JKAMP: variants seen among roughly 807,000 people sequenced by gnomAD.
JKAMP encodes the protein JNK1/MAPK8-associated membrane protein.
A neutral mutation model predicts 40.2 loss-of-function variants in JKAMP; 20 were observed. That is an observed-to-expected ratio of 0.50 (90% confidence interval 0.35 to 0.72). The LOEUF is 0.72. Among genes scored for constraint, JKAMP ranks in the 30% least tolerant of loss-of-function variants. JKAMP has a pLI of 0.01. For missense variants in JKAMP, 276 were observed against 373.0 expected (o/e 0.74, Z 2.14); for synonymous variants, 138 against 131.6 (o/e 1.05, Z -0.33).
chr14:59,484,959 A>T (rs1890414447), intron 1 of JKAMP: 1 of 1,526,764 alleles, frequency 6.5e-7, no homozygotes, highest in Non-Finnish European at 8.7e-7. Context: ...GTTGCTGCAT[A>T]ATTTGTCTAC....
intron 6 of JKAMP, among the ~76,000 whole-genome samples, chr14:59,502,340 G>A (rs2139916267): frequency 6.6e-6 from 1 of 152,250 alleles, no homozygotes; most frequent in Middle Eastern, 3.4e-3. Flanking sequence ...CTAATCTAGG[G>A]ACTATGAACT....
Position 59,487,760 on chromosome 14 carries a change from T to C in JKAMP, c.183T>C (p.Leu61=). 6.2e-7 allele frequency: 1 copy of C among 1,613,520 alleles called. No homozygotes were observed. The part of the protein sequence containing the change: ...ESPELYDWLY[L]GFMAMLPLVL... ...CTGAACTTTATGATTGGCTCTATCT[T>C]GGATTTATGGCAATGCTTCCTCTGG... Residue 61 remains leucine, a synonymous_variant, in exon 3 of 7, where the codon CTT becomes CTC. Transcript: ENST00000616435.
At position 59,487,700 on chromosome 14, in the gene JKAMP, T is replaced by C. The variant is rs1375121358; in HGVS notation, c.123T>C (p.Asn41=). The C allele has an allele frequency of 1.2e-6, 2 of 1,613,298 alleles. No homozygotes were observed. The highest frequency in any genetic ancestry group is 8.5e-7 in the Non-Finnish European group (1 of 1,179,328). The change falls in exon 3 of 7, where the codon AAT becomes AAC. Residue 41 remains asparagine (N), a synonymous_variant. Transcript: ENST00000616435. ...CGVCPRGQRT[N]AQKYCQPCTE... ...TATGCCCAAGAGGACAGAGAACGAATGCACAGAAATATTGTCAGCCTTGCA... is the reference window on the plus strand; with the variant it reads ...TATGCCCAAGAGGACAGAGAACGAACGCACAGAAATATTGTCAGCCTTGCA...
At chr14:59,499,499 C>G (rs1891712133) in intron 5 of JKAMP, among the ~76,000 whole-genome samples, 1 of 152,008 alleles carries the variant, frequency 6.6e-6, no homozygotes, top group Admixed American at 6.6e-5. Flanking sequence ...ACCATTAATT[C>G]ATTTGTTTAG....
chr14:59,491,252 T>C (rs960512069), intron 3 of JKAMP, among the ~76,000 whole-genome samples: 14 of 152,196 alleles, frequency 9.2e-5, no homozygotes, highest in African/African-American at 3.4e-4. Flanking sequence ...GAGGCACAAG[T>C]GAACTTAAAG....
Position 59,484,560 on chromosome 14 carries a change from T to C in JKAMP, c.-30T>C, listed in dbSNP as rs10140007. On this transcript the variant is annotated 5_prime_UTR_variant, in exon 1 of 7. Coordinates refer to ENST00000616435, the MANE Select transcript of JKAMP (RefSeq NM_016475.5). ...GCAGCTGCCAGATCCGCTGATCTAG[T>C]GCTTCTCGAAAAAAACCTTCAGGCG... 0.36 allele frequency: 560,554 copies of C among 1,567,050 alleles called. 104,051 individuals are homozygous for C. Among genetic ancestry groups the C allele is most frequent in the African/African-American group, 0.53 (39,123 of 73,514 alleles).
At chr14:59,486,867 AC>A (rs1890620822) in intron 2 of JKAMP, 63 bp downstream of exon 2, 3 of 1,126,228 alleles carry the variant, frequency 2.7e-6, no homozygotes, top group Non-Finnish European at 2.6e-6. Flanking sequence ...AAATATTTTC[AC>A]ATACAACATT....
At chr14:59,487,034 C>T (rs1890634793) in intron 2 of JKAMP, among the ~76,000 whole-genome samples, 1 of 152,106 alleles carries the variant, frequency 6.6e-6, no homozygotes, top group South Asian at 2.1e-4. Flanking sequence ...AACCCCATCT[C>T]TGCTAAAAAT....
chr14:59,497,197 T>G (rs889716859), intron 4 of JKAMP, among the ~76,000 whole-genome samples: 6 of 152,178 alleles, frequency 3.9e-5, no homozygotes, highest in Admixed American at 2.0e-4. Flanking sequence ...TGAAAAAACA[T>G]GTAAGCTTCT....
At chr14:59,492,984 G>C (rs1891141854) in intron 3 of JKAMP, among the ~76,000 whole-genome samples, 1 of 151,496 alleles carries the variant, frequency 6.6e-6, no homozygotes, top group Non-Finnish European at 1.5e-5. Context: ...ATCTTTAGTA[G>C]AGACGGGGTT....
rs112641246 is a variant in JKAMP at position 59,496,696 on chromosome 14, A to G, written c.458+1472A>G. On this transcript the variant is annotated intron_variant, in intron 4 of 6. Transcript: ENST00000616435. ...AATCTTGTGGCAGCACTCTCTGTCAATCAGAATCATCACACAGCTTCATTG... is the reference window on the plus strand; with the variant it reads ...AATCTTGTGGCAGCACTCTCTGTCAGTCAGAATCATCACACAGCTTCATTG... Among the ~76,000 whole-genome samples, 7 of 152,314 alleles carry G rather than the reference A, an allele frequency of 4.6e-5. 1 individual carries two copies. The highest frequency in any genetic ancestry group is 4.1e-4 in the South Asian group (2 of 4,828).
At chr14:59,502,652 A>G (rs953297419) in intron 6 of JKAMP, among the ~76,000 whole-genome samples, 1 of 152,060 alleles carries the variant, frequency 6.6e-6, no homozygotes, top group Non-Finnish European at 1.5e-5. Flanking sequence ...AAATATAATT[A>G]AAGAAGATAG....
In JKAMP at chr14:59,491,595, G is replaced by T. The variant is rs889124928; in HGVS notation, c.252-3423G>T. ...CTTTGTAAAATGGCACAGGAGTTCTGTTTCCAACAATGTGAGTTAATTAGG... is the reference window on the plus strand; with the variant it reads ...CTTTGTAAAATGGCACAGGAGTTCTTTTTCCAACAATGTGAGTTAATTAGG... On this transcript the variant is annotated intron_variant, in intron 3 of 6. Coordinates refer to ENST00000616435, the MANE Select transcript of JKAMP (RefSeq NM_016475.5). Among the ~76,000 whole-genome samples, 5 of 152,334 alleles carry T rather than the reference G, an allele frequency of 3.3e-5. No homozygotes were observed. In the South Asian group the frequency reaches 1.0e-3, roughly 32 times the overall value.
chr14:59,485,120 A>AGT (rs1890430587), intron 1 of JKAMP: 2 of 1,598,352 alleles, frequency 1.3e-6, no homozygotes. Flanking sequence ...TTGCTTAGTA[A>AGT]GTGATAGGCT....
intron 5 of JKAMP, 88 bp from the exon 6 acceptor site, chr14:59,501,103 C>CT: frequency 2.4e-6 from 2 of 849,666 alleles, no homozygotes; most frequent in Non-Finnish European, 1.9e-6. Flanking sequence ...GGATTTGACT[C>CT]TAAGGAAAAT....
chr14:59,484,718 C>A (rs978425646), intron 1 of JKAMP, 125 bp downstream of exon 1: 1 of 1,240,570 alleles, frequency 8.1e-7, no homozygotes, highest in Admixed American at 2.1e-5. Flanking sequence ...GCCCCTTGAC[C>A]CCGCCCGCCC....
chr14:59,496,434 T>C (rs1030781501), intron 4 of JKAMP, among the ~76,000 whole-genome samples: 1 of 151,912 alleles, frequency 6.6e-6, no homozygotes, highest in Admixed American at 6.6e-5. Flanking sequence ...GAATTGAATA[T>C]TATATTTAAA....
At chr14:59,496,028 C>A (rs1891416234) in intron 4 of JKAMP, among the ~76,000 whole-genome samples, 1 of 152,168 alleles carries the variant, frequency 6.6e-6, no homozygotes, top group Non-Finnish European at 1.5e-5. Context: ...CTCAGCCTCC[C>A]AAGTAGCTGG....
intron 3 of JKAMP, among the ~76,000 whole-genome samples, chr14:59,488,223 TCATATTAA>T (rs1215461563): frequency 6.6e-6 from 1 of 152,010 alleles, no homozygotes; most frequent in Admixed American, 6.6e-5. Flanking sequence ...ATACAAAAAC[TCATATTAA>T]CATATTAAAT....
Sources: allele counts gnomAD v4.1 joint callset (sites outside exome capture counted in the v4.1 genomes callset), GRCh38; gene constraint gnomAD v4.1.1; transcripts MANE v1.5; gene names NCBI Gene and HGNC (gene_info 2026-07-23, HGNC 2026-07-21).